The following PTPRD variants were observed in gnomAD, a reference collection of about 807,000 sequenced individuals.
PTPRD encodes protein tyrosine phosphatase receptor type D, also known as receptor-type tyrosine-protein phosphatase delta.
Under a neutral mutation model 214.5 loss-of-function variants are expected in PTPRD, and 34 were observed. The ratio of observed to expected loss-of-function variants is 0.16; its 90% CI spans 0.12 to 0.21. PTPRD has a LOEUF of 0.21. Among genes scored for constraint, PTPRD ranks in the 10% least tolerant of loss-of-function variants. The pLI is 1.00. For missense variants in PTPRD, 2,545 were observed against 2,398.7 expected (o/e 1.06, Z -1.27); for synonymous variants, 1,128 against 845.7 (o/e 1.33, Z -5.79).
In PTPRD at chr9:8,848,741, T is replaced by C. The variant is rs553944753; in HGVS notation, c.-103-114795A>G. 4.9e-4 allele frequency among the ~76,000 whole-genome samples: 74 copies of C among 152,154 alleles called. 1 individual carries two copies. The South Asian group carries it at 0.015, about 31-fold the overall frequency. ...GGAGGTTAAGAGTGAGTGAAACAGA[T>C]AAAAGTTGGGATGCTTGACTTAAAA... is the stretch of plus-strand genomic sequence containing the variant. On this transcript the variant is annotated intron_variant, in intron 11 of 45. Coordinates refer to ENST00000381196, the MANE Select transcript of PTPRD (RefSeq NM_002839.4).
At chr9:8,744,746 G>C (rs936797445) in intron 11 of PTPRD, among the ~76,000 whole-genome samples, 1 of 152,182 alleles carries the variant, frequency 6.6e-6, no homozygotes, top group Admixed American at 6.5e-5. Context: ...ATCACCGCTA[G>C]AGAACTTATG....
chr9:10,046,402 G>A (rs1243390851), intron 3 of PTPRD, among the ~76,000 whole-genome samples: 1 of 151,758 alleles, frequency 6.6e-6, no homozygotes, highest in Non-Finnish European at 1.5e-5. Context: ...ATTCAAAGTT[G>A]TTTCAGGGAT....
In PTPRD at chr9:10,045,116, A is replaced by G. The variant is rs940338511; in HGVS notation, c.-544-11326T>C. 3.3e-5 allele frequency among the ~76,000 whole-genome samples: 5 copies of G among 151,776 alleles called. No homozygotes were observed. The East Asian group carries it at 9.7e-4, about 29-fold the overall frequency. On this transcript the variant is annotated intron_variant, in intron 3 of 45. Transcript: ENST00000381196. ...AATGAGGTCTGGTAATCATCTATGA[A>G]CTAATTTGCTCATCCTGTTTTTAAA...
At chr9:9,793,087 T>C (rs2098978696) in intron 5 of PTPRD, among the ~76,000 whole-genome samples, 1 of 152,140 alleles carries the variant, frequency 6.6e-6, no homozygotes, top group South Asian at 2.1e-4. Flanking sequence ...ATGTGAATTG[T>C]ACCATACCTA....
At chr9:9,464,056 T>C (rs10977782) in intron 8 of PTPRD, among the ~76,000 whole-genome samples, 24,343 of 152,164 alleles carry the variant, frequency 0.16, 2,139 homozygotes, top group Middle Eastern at 0.28. Flanking sequence ...TTCCCAACTA[T>C]ATTAACCCTT....
chr9:9,134,134 G>A (rs35404118), intron 10 of PTPRD, among the ~76,000 whole-genome samples: 2 of 131,144 alleles, frequency 1.5e-5, no homozygotes, highest in African/African-American at 3.5e-5. Flanking sequence ...CTGCAGTGGC[G>A]CAATCTCGGC....
intron 3 of PTPRD, among the ~76,000 whole-genome samples, chr9:10,040,535 T>C (rs1294154101): frequency 2.6e-5 from 4 of 151,962 alleles, no homozygotes; most frequent in African/African-American, 7.2e-5. Flanking sequence ...AGTGATCCTC[T>C]CAACAGACTA....
intron 9 of PTPRD, among the ~76,000 whole-genome samples, chr9:9,209,582 T>C (rs898482321): frequency 1.3e-5 from 2 of 152,176 alleles, no homozygotes; most frequent in Non-Finnish European, 2.9e-5. Flanking sequence ...TCAAATGATA[T>C]GATGTCTGGA....
At chr9:9,681,927 G>A (rs1302859480) in intron 7 of PTPRD, among the ~76,000 whole-genome samples, 1 of 151,810 alleles carries the variant, frequency 6.6e-6, no homozygotes, top group Non-Finnish European at 1.5e-5. Flanking sequence ...TATAGAAGAT[G>A]TTATATTTAT....
chr9:8,800,360 G>A (rs904107294), intron 11 of PTPRD, among the ~76,000 whole-genome samples: 12 of 152,038 alleles, frequency 7.9e-5, no homozygotes, highest in African/African-American at 2.9e-4. Flanking sequence ...AGAACTACTG[G>A]GCTAAATTCC....
chr9:9,990,079 T>C (rs1457837740), intron 4 of PTPRD, among the ~76,000 whole-genome samples: 1 of 152,172 alleles, frequency 6.6e-6, no homozygotes, highest in Non-Finnish European at 1.5e-5. Flanking sequence ...CTCTGAGCTA[T>C]GCCACTTACA....
intron 11 of PTPRD, among the ~76,000 whole-genome samples, chr9:9,014,511 C>A (rs2099526195): frequency 6.6e-6 from 1 of 152,086 alleles, no homozygotes; most frequent in East Asian, 1.9e-4. Flanking sequence ...AATAAGATCA[C>A]AATCAATCCA....
intron 9 of PTPRD, among the ~76,000 whole-genome samples, chr9:9,360,150 G>T (rs1429129949): frequency 2.0e-5 from 3 of 150,984 alleles, no homozygotes; most frequent in African/African-American, 7.3e-5. Context: ...TCCTTTTAAT[G>T]GAAGTGATTC....
chr9:10,478,881 C>T (rs771349413), intron 2 of PTPRD, among the ~76,000 whole-genome samples: 1 of 151,666 alleles, frequency 6.6e-6, no homozygotes, highest in Non-Finnish European at 1.5e-5. Flanking sequence ...TATTTACTAT[C>T]CAGTGAGATC....
chr9:9,764,552 G>C (rs960229525), intron 6 of PTPRD, among the ~76,000 whole-genome samples: 12 of 152,166 alleles, frequency 7.9e-5, no homozygotes, highest in Admixed American at 3.3e-4. Context: ...GGATGATTGA[G>C]ATTATTATTA....
At chr9:8,905,185 G>T (rs2098699106) in intron 11 of PTPRD, among the ~76,000 whole-genome samples, 1 of 152,108 alleles carries the variant, frequency 6.6e-6, no homozygotes, top group South Asian at 2.1e-4. Context: ...TCAATCCAAT[G>T]TTTATGTTTC....
chr9:9,725,741 G>C (rs1349701519), intron 7 of PTPRD, among the ~76,000 whole-genome samples: 1 of 152,168 alleles, frequency 6.6e-6, no homozygotes, highest in Non-Finnish European at 1.5e-5. Flanking sequence ...GAAGTTTTCT[G>C]TGGTGACAAA....
intron 2 of PTPRD, among the ~76,000 whole-genome samples, chr9:10,553,152 T>C (rs1341953298): frequency 6.6e-6 from 1 of 152,046 alleles, no homozygotes; most frequent in East Asian, 1.9e-4. Context: ...CCATCCAGCC[T>C]AAGGAGGAGA....
At chr9:10,183,947 A>AT (rs1301198077) in intron 3 of PTPRD, among the ~76,000 whole-genome samples, 1 of 152,226 alleles carries the variant, frequency 6.6e-6, no homozygotes, top group Non-Finnish European at 1.5e-5. Context: ...CACATACAAT[A>AT]ATGTTGAGAA....
Sources: gnomAD v4.1 joint callset for allele counts (sites outside exome capture counted in the v4.1 genomes callset) on GRCh38, gnomAD v4.1.1 for gene constraint, MANE v1.5 for transcripts, NCBI Gene and HGNC (gene_info 2026-07-23, HGNC 2026-07-21) for gene names.